Variants in BABAM2 observed in about 807,000 individuals in gnomAD.
BABAM2 encodes the protein BRISC and BRCA1-A complex member 2.
A neutral mutation model predicts 54.7 loss-of-function variants in BABAM2; 31 were observed. That is an observed-to-expected ratio of 0.57 (90% CI 0.43 to 0.77). BABAM2 has a LOEUF of 0.77. BABAM2 is among the 30% of genes least tolerant of loss of function. The pLI, the probability that BABAM2 is intolerant of heterozygous loss-of-function variation, is 0.00. For missense variants in BABAM2, 364 were observed against 455.8 expected, an observed-to-expected ratio of 0.80 and a Z score of 1.83; for synonymous variants, 167 against 162.9, an observed-to-expected ratio of 1.03 and a Z score of -0.19.
intron 6 of BABAM2, among the ~76,000 whole-genome samples, chr2:28,093,494 T>C (rs1666336699): frequency 6.6e-6 from 1 of 152,196 alleles, no homozygotes; most frequent in African/African-American, 2.4e-5. Context: ...GTCATCAGCA[T>C]AATGTCAGCA....
chr2:28,018,861 C>G lies in BABAM2; in HGVS notation c.301-6365C>G, dbSNP rs187895314. On this transcript the variant is annotated intron_variant, in intron 4 of 11. Transcript: ENST00000379624. ...TTTTTAAAACATTTTACTTTAAGTT[C>G]TGGGATACATGTGCAGGACGTGCAG... 9.2e-5 allele frequency among the ~76,000 whole-genome samples: 14 copies of G among 152,184 alleles called. No individual in the cohort carries two copies. In the East Asian group the frequency reaches 2.5e-3, roughly 27 times the overall value.
chr2:28,264,350 A>AG (rs1330477070), intron 10 of BABAM2, among the ~76,000 whole-genome samples: 1 of 152,250 alleles, frequency 6.6e-6, no homozygotes, highest in Admixed American at 6.5e-5. Context: ...TATTGAAAAA[A>AG]GAAAAAAAAC....
chr2:28,136,752 C>T (rs916437451), intron 7 of BABAM2, among the ~76,000 whole-genome samples: 1 of 152,120 alleles, frequency 6.6e-6, no homozygotes, highest in South Asian at 2.1e-4. Context: ...TACCCCACAG[C>T]GTGCCTGGCA....
At chr2:27,998,390 T>G (rs1466488410) in intron 4 of BABAM2, among the ~76,000 whole-genome samples, 1 of 151,976 alleles carries the variant, frequency 6.6e-6, no homozygotes, top group Non-Finnish European at 1.5e-5. Context: ...GAGTTAAAGA[T>G]GAATATTCAC....
intron 3 of BABAM2, among the ~76,000 whole-genome samples, chr2:27,937,229 A>G (rs1472480318): frequency 6.6e-6 from 1 of 152,186 alleles, no homozygotes; most frequent in Non-Finnish European, 1.5e-5. Context: ...GATAGCTGTG[A>G]TATGGTATTG....
chr2:28,256,309 AT>A (rs1284957928), intron 10 of BABAM2, among the ~76,000 whole-genome samples: 9 of 152,220 alleles, frequency 5.9e-5, no homozygotes, highest in Non-Finnish European at 1.2e-4. Context: ...TGATATAAAA[AT>A]ACCTGTGATT....
intron 6 of BABAM2, among the ~76,000 whole-genome samples, chr2:28,098,086 C>T (rs1270586954): frequency 1.3e-5 from 2 of 152,142 alleles, no homozygotes; most frequent in African/African-American, 4.8e-5. Context: ...GTTTTAGTAC[C>T]AATATCAAGT....
chr2:28,183,742 C>CACACACACAT (rs1675906678), intron 7 of BABAM2, among the ~76,000 whole-genome samples: 1 of 148,632 alleles, frequency 6.7e-6, no homozygotes, highest in Non-Finnish European at 1.5e-5. Flanking sequence ...ATGAAGATCA[C>CACACACACAT]ACACACACAC....
intron 7 of BABAM2, among the ~76,000 whole-genome samples, chr2:28,132,834 G>C (rs1162471888): frequency 2.6e-5 from 4 of 152,096 alleles, no homozygotes; most frequent in Non-Finnish European, 5.9e-5. Context: ...ATCTTTTGCT[G>C]AATTGCAAGC....
intron 10 of BABAM2, among the ~76,000 whole-genome samples, chr2:28,296,877 G>A (rs565608966): frequency 5.9e-5 from 9 of 152,050 alleles, no homozygotes; most frequent in African/African-American, 2.2e-4. Context: ...TAGTAGAGAT[G>A]AGGTTTCACC....
chr2:28,231,785 CTTTTTTTTTTTTTTTTTTT>C (rs549515372), intron 7 of BABAM2, among the ~76,000 whole-genome samples: 25 of 57,678 alleles, frequency 4.3e-4, no homozygotes, highest in East Asian at 2.8e-3. Context: ...AGAGAGATGT[CTTTTTTTTTTTTTTTTTTT>C]TTTTTTTTTT....
chr2:28,021,744 TA>T (rs1283658143), intron 4 of BABAM2, among the ~76,000 whole-genome samples: 1 of 152,210 alleles, frequency 6.6e-6, no homozygotes. Flanking sequence ...TGAACATTTT[TA>T]TCATAAGATT....
intron 11 of BABAM2, chr2:28,309,964 G>A (rs1046494873): frequency 1.8e-6 from 2 of 1,124,668 alleles, no homozygotes. Context: ...TTTCCTTATG[G>A]GGTTTAGAAG....
At chr2:28,312,168 G>T (rs1158635594) in intron 11 of BABAM2, among the ~76,000 whole-genome samples, 9 of 152,142 alleles carry the variant, frequency 5.9e-5, no homozygotes, top group Non-Finnish European at 1.2e-4. Flanking sequence ...AAAAAGGGAA[G>T]CATCAAAGAA....
intron 3 of BABAM2, among the ~76,000 whole-genome samples, chr2:27,958,173 G>A (rs1236329236): frequency 2.0e-5 from 3 of 152,104 alleles, no homozygotes; most frequent in Non-Finnish European, 4.4e-5. Context: ...GAATCTATGA[G>A]CATAAGAAAA....
intron 6 of BABAM2, among the ~76,000 whole-genome samples, chr2:28,109,486 C>A (rs1181490747): frequency 1.3e-5 from 2 of 152,134 alleles, no homozygotes; most frequent in Non-Finnish European, 2.9e-5. Context: ...CCGCACCCTG[C>A]CAAGACACAT....
chr2:28,162,588 C>T (rs1182496059), intron 7 of BABAM2, among the ~76,000 whole-genome samples: 1 of 152,226 alleles, frequency 6.6e-6, no homozygotes, highest in Non-Finnish European at 1.5e-5. Context: ...GGGCTTCTTC[C>T]TAAGTGCTGT....
rs770325350 is a variant in BABAM2 at position 28,025,301 on chromosome 2, C to T, written c.376C>T (p.Gln126Ter). Residue 126 changes from glutamine to a stop codon, truncating the protein, a stop_gained, in exon 5 of 12, where the codon CAA becomes TAA. Transcript: ENST00000379624. LOFTEE classifies it high-confidence loss of function. ...VVKELVQQYH[Q>*]FQCSRLRESS... ...GAAGGAACTTGTGCAACAATATCAC[C>T]AATTCCAATGTAGCCGCCTCCGGGA... 6.2e-7 allele frequency: 1 copy of T among 1,612,350 alleles called. No homozygotes were observed. The highest frequency in any genetic ancestry group is 1.1e-5 in the South Asian group (1 of 90,748).
intron 5 of BABAM2, among the ~76,000 whole-genome samples, chr2:28,036,404 CT>C (rs1392198540): frequency 1.3e-5 from 2 of 152,244 alleles, no homozygotes; most frequent in East Asian, 1.9e-4. Flanking sequence ...GTACCATTAA[CT>C]TATTTACTTC....
Sources: gnomAD v4.1 joint callset for allele counts (sites outside exome capture counted in the v4.1 genomes callset) on GRCh38, gnomAD v4.1.1 for gene constraint, MANE v1.5 for transcripts, NCBI Gene and HGNC (gene_info 2026-07-23, HGNC 2026-07-21) for gene names.